The following SNX29 variants were observed in gnomAD, a reference collection of about 807,000 sequenced individuals.
SNX29 encodes sorting nexin 29, also known as sorting nexin-29.
SNX29 carries 78 observed loss-of-function variants against 102.1 expected under a neutral mutation model. That is an observed-to-expected ratio of 0.76 (90% CI 0.64 to 0.92). SNX29 has a LOEUF of 0.92. Ranked by LOEUF, SNX29 falls within the 40% of genes least tolerant of loss-of-function variation. SNX29 has a pLI of 0.00. For synonymous variants in SNX29, 580 were observed against 414.5 expected (o/e 1.40, Z -4.85); for missense variants, 1,280 against 1,061.7 (o/e 1.21, Z -2.86).
intron 19 of SNX29, among the ~76,000 whole-genome samples, chr16:12,484,194 G>C (rs373542318): frequency 6.6e-6 from 1 of 152,100 alleles, no homozygotes; most frequent in East Asian, 1.9e-4. Context: ...TGTCACCCAG[G>C]CTGGAGTGTA....
chr16:12,443,756 C>T (rs139788931), intron 18 of SNX29, among the ~76,000 whole-genome samples: 7 of 152,360 alleles, frequency 4.6e-5, no homozygotes, highest in East Asian at 3.9e-4. Context: ...CGGCCAAGCA[C>T]GACTTTTAAA....
At chr16:12,439,785 C>T (rs1355262922) in intron 18 of SNX29, among the ~76,000 whole-genome samples, 2 of 152,248 alleles carry the variant, frequency 1.3e-5, no homozygotes, top group African/African-American at 4.8e-5. Flanking sequence ...CTCTCTGAGA[C>T]TCAGTTTCCC....
At chr16:12,059,697 A>C (rs143531396) in intron 8 of SNX29, among the ~76,000 whole-genome samples, 77 of 152,366 alleles carry the variant, frequency 5.1e-4, no homozygotes, top group African/African-American at 1.4e-3. Flanking sequence ...TTAAAGAGTT[A>C]TTAAGAGACA....
intron 18 of SNX29, among the ~76,000 whole-genome samples, chr16:12,438,528 C>T (rs529323636): frequency 6.6e-6 from 1 of 152,290 alleles, no homozygotes; most frequent in Non-Finnish European, 1.5e-5. Flanking sequence ...AGGTAGCAGC[C>T]TAGATTTGGA....
chr16:12,146,246 C>G (rs935150287), intron 13 of SNX29, among the ~76,000 whole-genome samples: 2 of 151,980 alleles, frequency 1.3e-5, no homozygotes, highest in Non-Finnish European at 2.9e-5. Context: ...AGTGGGATCT[C>G]AGGGCAAAGT....
intron 14 of SNX29, among the ~76,000 whole-genome samples, chr16:12,205,310 A>G (rs933413353): frequency 2.6e-5 from 4 of 152,214 alleles, no homozygotes; most frequent in Admixed American, 1.3e-4. Context: ...AGGAATAACA[A>G]TCCACCAAAG....
intron 15 of SNX29, among the ~76,000 whole-genome samples, chr16:12,355,596 G>C (rs1440816926): frequency 1.3e-5 from 2 of 152,114 alleles, no homozygotes; most frequent in Non-Finnish European, 2.9e-5. Flanking sequence ...TTCTCTAAAA[G>C]GCTTAAGTAA....
chr16:12,502,251 G>T (rs2089161319), intron 19 of SNX29, among the ~76,000 whole-genome samples: 2 of 152,158 alleles, frequency 1.3e-5, no homozygotes, highest in Non-Finnish European at 2.9e-5. Flanking sequence ...TGGGTTCTGG[G>T]GTCAGAGTAC....
At chr16:12,243,107 C>A (rs569089074) in intron 14 of SNX29, among the ~76,000 whole-genome samples, 5 of 152,344 alleles carry the variant, frequency 3.3e-5, no homozygotes, top group Admixed American at 1.3e-4. Context: ...GTGGGTGGCA[C>A]ACAGCAGAGA....
chr16:12,133,746 A>G (rs1002418203), intron 13 of SNX29, among the ~76,000 whole-genome samples: 2 of 152,204 alleles, frequency 1.3e-5, no homozygotes, highest in Non-Finnish European at 2.9e-5. Flanking sequence ...TATAATAATT[A>G]TGGCACCTTA....
intron 3 of SNX29, among the ~76,000 whole-genome samples, chr16:12,013,496 AAAAAATATAT>A (rs1567525583): frequency 6.3e-5 from 2 of 31,600 alleles, no homozygotes; most frequent in African/African-American, 2.8e-4. Context: ...GGGAAAAAAA[AAAAAATATAT>A]ATATATATAT....
intron 19 of SNX29, 28 bp from the exon 20 acceptor site, chr16:12,524,674 A>G (rs1239185768): frequency 1.2e-6 from 2 of 1,609,906 alleles, no homozygotes; most frequent in Non-Finnish European, 8.5e-7. Context: ...AAGACGTACC[A>G]AAGCGAAGAT....
intron 13 of SNX29, among the ~76,000 whole-genome samples, chr16:12,133,730 C>G (rs577332495): frequency 7.2e-5 from 11 of 152,118 alleles, no homozygotes; most frequent in South Asian, 4.1e-4. Flanking sequence ...TATCGTTTTT[C>G]TTAAATATAA....
At chr16:12,008,571 G>T (rs759630664) in intron 3 of SNX29, among the ~76,000 whole-genome samples, 1 of 151,692 alleles carries the variant, frequency 6.6e-6, no homozygotes, top group Admixed American at 6.6e-5. Flanking sequence ...ACCCGGCCTG[G>T]ATCATTTTTG....
At chr16:12,331,572 A>G (rs1312719628) in intron 15 of SNX29, among the ~76,000 whole-genome samples, 1 of 151,932 alleles carries the variant, frequency 6.6e-6, no homozygotes, top group Non-Finnish European at 1.5e-5. Flanking sequence ...TGTTTTTGAG[A>G]TGAAGTCTCA....
chr16:12,534,336 T>A (rs950259183), intron 20 of SNX29, among the ~76,000 whole-genome samples: 1 of 152,200 alleles, frequency 6.6e-6, no homozygotes, highest in Non-Finnish European at 1.5e-5. Flanking sequence ...CAGCCAAATG[T>A]CCTGGTCTTT....
At position 12,572,586 on chromosome 16, in the gene SNX29, G is replaced by T. The variant is rs2079210802; in HGVS notation, c.*3957G>T. The T allele has an allele frequency of 2.8e-6, 3 of 1,063,952 alleles. No homozygotes were observed. Among genetic ancestry groups the T allele is most frequent in the African/African-American group, 1.6e-5 (1 of 61,108 alleles). 65.9% of individuals were successfully genotyped at this position (1,063,952 alleles called of 1,614,324 possible). ...AGGGAGGTCCAGCCATGTTCTCTGG[G>T]CTCCCAGTGAGCCCCCTCCCCTCCG... On this transcript the variant is annotated 3_prime_UTR_variant, in exon 21 of 21. Coordinates refer to ENST00000566228, the MANE Select transcript of SNX29 (RefSeq NM_032167.5).
At chr16:12,544,644 C>G (rs1313110264) in intron 20 of SNX29, among the ~76,000 whole-genome samples, 1 of 152,200 alleles carries the variant, frequency 6.6e-6, no homozygotes, top group Non-Finnish European at 1.5e-5. Context: ...AGGTTCATGT[C>G]AGACTGTTTA....
rs923240061 is a variant in SNX29, at chr16:12,571,975, C to A, written c.*3346C>A. The A allele has an allele frequency of 9.4e-6, 10 of 1,061,552 alleles. 1 individual carries two copies. In the African/African-American group the frequency reaches 1.6e-4, roughly 17 times the overall value. The allele number at this position is 1,061,552 out of a possible 1,614,324, so 65.8% of individuals were successfully genotyped here. A position where few individuals can be genotyped will look rare whatever the true frequency, so the allele number is the denominator to read the frequency against. ...GGCTCTTACAGTCTATGGTGGTAGC[C>A]ATCTTCACATCCAGTCACCAGTTGC... On this transcript the variant is annotated 3_prime_UTR_variant, in exon 21 of 21. Transcript: ENST00000566228.
Sources: gnomAD v4.1 joint callset for allele counts (sites outside exome capture counted in the v4.1 genomes callset) on GRCh38, gnomAD v4.1.1 for gene constraint, MANE v1.5 for transcripts, NCBI Gene and HGNC (gene_info 2026-07-23, HGNC 2026-07-21) for gene names.